Variants in TVP23C observed in about 807,000 individuals in gnomAD.
TVP23C encodes the protein Golgi apparatus membrane protein TVP23 homolog C.
Under a neutral mutation model 28.7 loss-of-function variants are expected in TVP23C, and 19 were observed. The ratio of observed to expected loss-of-function variants is 0.66; its 90% CI spans 0.46 to 0.97. TVP23C has a LOEUF of 0.97. TVP23C is among the 50% of genes least tolerant of loss of function. TVP23C has a pLI of 0.00. For missense variants in TVP23C, 186 were observed against 241.3 expected, an observed-to-expected ratio of 0.77 and a Z score of 1.52; for synonymous variants, 68 against 81.7, an observed-to-expected ratio of 0.83 and a Z score of 0.90.
intron 5 of TVP23C, chr17:15,507,007 T>C (rs146773136): frequency 7.7e-7 from 1 of 1,303,706 alleles, no homozygotes; most frequent in East Asian, 2.6e-5. Flanking sequence ...AGGATTTGGT[T>C]ATAAGGGTTC....
intron 5 of TVP23C, among the ~76,000 whole-genome samples, chr17:15,509,301 C>T (rs1161205006): frequency 5.3e-5 from 8 of 152,214 alleles, no homozygotes; most frequent in Non-Finnish European, 8.8e-5. Context: ...CCCACATAAA[C>T]CCCTTAGTTG....
chr17:15,513,597 T>C lies in TVP23C; in HGVS notation c.463-10365A>G, dbSNP rs370253573. ...AGCAAAGAGGTAAAATGCTTTCTCT[T>C]TTCTTTCTGACAGTTTGAGGATTCT... On this transcript the variant is annotated intron_variant, in intron 5 of 5. Coordinates refer to the TVP23C transcript ENST00000225576. Among the ~76,000 whole-genome samples the C allele has an allele frequency of 6.6e-5, 10 of 152,284 alleles. No homozygotes were observed. The East Asian group carries it at 1.2e-3, about 18-fold the overall frequency.
At chr17:15,543,007 C>G (rs375744428) in intron 5 of TVP23C, among the ~76,000 whole-genome samples, 2,165 of 151,032 alleles carry the variant, frequency 0.014, 13 homozygotes, top group African/African-American at 0.033. Flanking sequence ...AGACTGGGCT[C>G]ACTCTCTTGG....
intron 5 of TVP23C, among the ~76,000 whole-genome samples, chr17:15,527,777 TAC>T (rs201506160): frequency 0.012 from 1,854 of 152,330 alleles, 31 homozygotes; most frequent in African/African-American, 0.042. Flanking sequence ...TCTTAATGAT[TAC>T]AGTTTACTAA....
Position 15,539,817 on chromosome 17 carries a change from G to C in TVP23C, c.*595C>G, listed in dbSNP as rs566038169. 5.3e-4 allele frequency: 516 copies of C among 979,266 alleles called. 3 individuals are homozygous for C. The African/African-American group carries it at 8.6e-3, about 16-fold the overall frequency. 60.7% of individuals were successfully genotyped at this position (979,266 alleles called of 1,614,324 possible). A position where few individuals can be genotyped will look rare whatever the true frequency, so the allele number is the denominator to read the frequency against. On this transcript the variant is annotated 3_prime_UTR_variant, in exon 6 of 6. Transcript: ENST00000518321. ...CTAAAACCATACAACATACAGGCTGGGCACGGTGGCTCACGCCTGTAATCC... is the reference window on the plus strand; with the variant it reads ...CTAAAACCATACAACATACAGGCTGCGCACGGTGGCTCACGCCTGTAATCC...
chr17:15,547,262 T>A, intron 3 of TVP23C, 114 bp from the exon 4 acceptor site: 1 of 1,446,112 alleles, frequency 6.9e-7, no homozygotes, highest in Non-Finnish European at 9.3e-7. Flanking sequence ...TTTACCTCCA[T>A]AATATCCAGT....
chr17:15,512,770 G>A (rs1181592857), intron 5 of TVP23C, among the ~76,000 whole-genome samples: 1 of 152,198 alleles, frequency 6.6e-6, no homozygotes, highest in African/African-American at 2.4e-5. Context: ...AGCAGCCATT[G>A]TATTTCAAGC....
chr17:15,523,049 G>A (rs1367772616), intron 5 of TVP23C, among the ~76,000 whole-genome samples: 2 of 151,504 alleles, frequency 1.3e-5, no homozygotes, highest in Non-Finnish European at 2.9e-5. Flanking sequence ...TCGCTCTGTC[G>A]CCCAGGCTGG....
At chr17:15,523,844 AC>A (rs1982594466) in intron 5 of TVP23C, among the ~76,000 whole-genome samples, 1 of 151,094 alleles carries the variant, frequency 6.6e-6, no homozygotes, top group Admixed American at 6.6e-5. Flanking sequence ...CGATCTCCTG[AC>A]CTCGTGATCT....
At chr17:15,526,069 T>A (rs971950523) in intron 5 of TVP23C, among the ~76,000 whole-genome samples, 2 of 152,230 alleles carry the variant, frequency 1.3e-5, no homozygotes, top group African/African-American at 4.8e-5. Flanking sequence ...GTATGCCCTT[T>A]ACCCGCTGCC....
At chr17:15,533,144 C>A (rs1444364284), downstream of TVP23C, among the ~76,000 whole-genome samples, 1 of 151,884 alleles carries the variant, frequency 6.6e-6, no homozygotes, top group Non-Finnish European at 1.5e-5. Context: ...TTCTAAAACA[C>A]AAACAATATA....
At position 15,547,097 on chromosome 17, in the gene TVP23C, C is replaced by G. The variant is rs1983680007; in HGVS notation, c.292G>C (p.Glu98Gln). 2.5e-6 allele frequency: 4 copies of G among 1,608,154 alleles called. No homozygotes were observed. The highest frequency in any genetic ancestry group is 3.4e-6 in the Non-Finnish European group (4 of 1,178,478). Reference protein sequence around the residue: ...VGLRWWNHIDEDGKSHWVFES... With the variant: ...VGLRWWNHIDQDGKSHWVFES... ...AACACCCAATGGCTCTTTCCATCTT[C>G]ATCAATGTGATTCCACCAACGTAGG... The change falls in exon 4 of 6, where the codon GAA becomes CAA. Residue 98 changes from glutamate (E) to glutamine (Q), a missense_variant. By Grantham distance (29) the Glu-to-Gln change is conservative. Transcript: ENST00000518321.
At chr17:15,515,348 G>A (rs1373470430) in intron 5 of TVP23C, among the ~76,000 whole-genome samples, 2 of 152,076 alleles carry the variant, frequency 1.3e-5, no homozygotes, top group Non-Finnish European at 2.9e-5. Flanking sequence ...ATTTGTGTAG[G>A]AATCCTCATG....
At chr17:15,534,919 G>A (rs1983095339), downstream of TVP23C, among the ~76,000 whole-genome samples, 2 of 151,768 alleles carry the variant, frequency 1.3e-5, no homozygotes. Context: ...AGTGAGCCAA[G>A]ATTATGGCAC....
At chr17:15,528,699 G>A (rs1464719730) in intron 5 of TVP23C, among the ~76,000 whole-genome samples, 1 of 151,660 alleles carries the variant, frequency 6.6e-6, no homozygotes, top group Non-Finnish European at 1.5e-5. Context: ...TCCACCTCCC[G>A]AGTTCATCCT....
chr17:15,504,649 A>G (rs1225206520), intron 5 of TVP23C, among the ~76,000 whole-genome samples: 3 of 152,050 alleles, frequency 2.0e-5, no homozygotes, highest in Admixed American at 6.6e-5. Flanking sequence ...TGAAGCCACA[A>G]CTTCCTGGGC....
chr17:15,530,469 T>C (rs1428776415), intron 5 of TVP23C, among the ~76,000 whole-genome samples: 1 of 152,206 alleles, frequency 6.6e-6, no homozygotes, highest in Non-Finnish European at 1.5e-5. Context: ...ACAAATTGCA[T>C]CTTTTATAAG....
At chr17:15,555,499 A>G in intron 1 of TVP23C, 135 bp from the exon 2 acceptor site, 1 of 1,391,486 alleles carries the variant, frequency 7.2e-7, no homozygotes, top group Non-Finnish European at 9.7e-7. Flanking sequence ...CAAAACCTAG[A>G]AAAGGACACA....
At chr17:15,509,018 G>C (rs1567629773) in intron 5 of TVP23C, among the ~76,000 whole-genome samples, 1 of 152,214 alleles carries the variant, frequency 6.6e-6, no homozygotes, top group Non-Finnish European at 1.5e-5. Context: ...TTTACATGAA[G>C]GCACAGTAAT....
Sources: gnomAD v4.1 joint callset for allele counts (sites outside exome capture counted in the v4.1 genomes callset) on GRCh38, gnomAD v4.1.1 for gene constraint, MANE v1.5 for transcripts, NCBI Gene and HGNC (gene_info 2026-07-23, HGNC 2026-07-21) for gene names.